The following ANO2 variants were observed in gnomAD, a reference collection of about 807,000 sequenced individuals.
ANO2 encodes the protein anoctamin-2.
ANO2 carries 101 observed loss-of-function variants against 124.2 expected under a neutral mutation model. The ratio of observed to expected loss-of-function variants is 0.81; its 90% CI spans 0.69 to 0.96. The LOEUF (loss-of-function observed/expected upper bound fraction) is 0.96. Ranked by LOEUF, ANO2 falls within the 40% of genes least tolerant of loss-of-function variation. The pLI, the probability that ANO2 is intolerant of heterozygous loss-of-function variation, is 0.00. For synonymous variants in ANO2, 486 were observed against 482.5 expected (o/e 1.01, Z -0.09); for missense variants, 1,293 against 1,274.5 (o/e 1.01, Z -0.22).
chr12:5,828,260 CG>C (rs1954048356), intron 6 of ANO2, among the ~76,000 whole-genome samples: 1 of 151,986 alleles, frequency 6.6e-6, no homozygotes, highest in South Asian at 2.1e-4. Context: ...CGGGGAGGGG[CG>C]GGCCCCCTCC....
chr12:5,884,864 A>G (rs1938773126), intron 3 of ANO2, among the ~76,000 whole-genome samples: 1 of 152,118 alleles, frequency 6.6e-6, no homozygotes, highest in South Asian at 2.1e-4. Context: ...CAGGACTTCT[A>G]ATGGAGAGCA....
At chr12:5,626,956 C>T (rs944520517) in intron 16 of ANO2, among the ~76,000 whole-genome samples, 5 of 152,200 alleles carry the variant, frequency 3.3e-5, no homozygotes, top group African/African-American at 9.6e-5. Context: ...AGATATTGGA[C>T]TTCTTGCTAA....
intron 15 of ANO2, among the ~76,000 whole-genome samples, chr12:5,645,998 A>G (rs1946619334): frequency 6.6e-6 from 1 of 152,210 alleles, no homozygotes. Flanking sequence ...GCTTAGATCC[A>G]TAACAAGTTT....
intron 7 of ANO2, among the ~76,000 whole-genome samples, chr12:5,810,971 A>C (rs2137180451): frequency 6.6e-6 from 1 of 152,364 alleles, no homozygotes; most frequent in South Asian, 2.1e-4. Flanking sequence ...CCTGAGACCT[A>C]GCATTAAGCT....
At chr12:5,765,865 A>G (rs1291386719) in intron 10 of ANO2, among the ~76,000 whole-genome samples, 1 of 152,244 alleles carries the variant, frequency 6.6e-6, no homozygotes, top group African/African-American at 2.4e-5. Flanking sequence ...ACATGTTGCT[A>G]AGAAATAGAT....
Position 5,562,983 on chromosome 12 carries a change from G to T in ANO2, c.*316C>A, listed in dbSNP as rs558444746. 3.9e-5 allele frequency: 14 copies of T among 359,442 alleles called. No homozygotes were observed. The South Asian group carries it at 5.3e-4, about 14-fold the overall frequency. 22.3% of individuals were successfully genotyped at this position (359,442 alleles called of 1,614,324 possible). A position where few individuals can be genotyped will look rare whatever the true frequency, so the allele number is the denominator to read the frequency against. On this transcript the variant is annotated 3_prime_UTR_variant, in exon 25 of 25. Coordinates refer to ENST00000682330, the MANE Select transcript of ANO2 (RefSeq NM_001364791.2). Reference sequence around the variant, plus strand: ...GTGAAGTACAAGAGGGTGCCCCAGGGTACATGGGAATGCTCGCGGTGCCTG... The same window carrying T: ...GTGAAGTACAAGAGGGTGCCCCAGGTTACATGGGAATGCTCGCGGTGCCTG...
intron 3 of ANO2, among the ~76,000 whole-genome samples, chr12:5,876,604 G>A (rs986433765): frequency 1.3e-5 from 2 of 152,168 alleles, no homozygotes; most frequent in African/African-American, 4.8e-5. Context: ...TGATAGACTG[G>A]ATAAAGAAAT....
Position 5,862,110 on chromosome 12 carries a change from G to T in ANO2, c.535-7969C>A, listed in dbSNP as rs57984070. 0.017 allele frequency among the ~76,000 whole-genome samples: 2,634 copies of T among 152,222 alleles called. 69 individuals carry two copies. The highest frequency in any genetic ancestry group is 0.056 in the African/African-American group (2,331 of 41,524). The stretch of plus-strand genomic sequence containing the variant: ...GTCCTCCTGAGACACAGGGATTTGG[G>T]ATTAAGCAAAGGGAAGAAGTTCCTG... On this transcript the variant is annotated intron_variant, in intron 3 of 24. Transcript: ENST00000682330. The surrounding 1 kb of genome is among the most constrained non-coding windows in gnomAD (Gnocchi z 4.0).
upstream of ANO2, among the ~76,000 whole-genome samples, chr12:5,945,756 G>A (rs573813146): frequency 5.3e-5 from 8 of 152,370 alleles, no homozygotes; most frequent in South Asian, 1.4e-3. Flanking sequence ...GTGGAGACCA[G>A]CTGTCCTCAC....
chr12:5,613,673 G>A (rs1944655026), intron 17 of ANO2, among the ~76,000 whole-genome samples: 1 of 152,102 alleles, frequency 6.6e-6, no homozygotes, highest in African/African-American at 2.4e-5. Flanking sequence ...CTTTGCTGAA[G>A]TCTTCTTGTT....
intron 20 of ANO2, among the ~76,000 whole-genome samples, 174 bp downstream of exon 20, chr12:5,599,310 C>T (rs1240149305): frequency 6.6e-6 from 1 of 152,148 alleles, no homozygotes; most frequent in East Asian, 1.9e-4. Flanking sequence ...TCTTTCTGCC[C>T]CATTCTTCTC....
intron 24 of ANO2, 143 bp downstream of exon 24, chr12:5,565,415 C>A: frequency 1.4e-6 from 1 of 732,182 alleles, no homozygotes; most frequent in Non-Finnish European, 2.3e-6. Flanking sequence ...GGAAAGGAGC[C>A]CTCACTTCTG....
At chr12:5,640,670 A>G (rs1027873869) in intron 15 of ANO2, among the ~76,000 whole-genome samples, 7 of 152,216 alleles carry the variant, frequency 4.6e-5, no homozygotes, top group African/African-American at 9.6e-5. Context: ...CAAAACCACA[A>G]TGAGATACCA....
intron 3 of ANO2, among the ~76,000 whole-genome samples, chr12:5,873,592 G>A (rs903104638): frequency 5.9e-5 from 9 of 152,342 alleles, no homozygotes; most frequent in South Asian, 2.1e-4. Flanking sequence ...ATGTCCTGGC[G>A]ATTAAGGATG....
At chr12:5,685,128 C>T (rs1026792450) in intron 14 of ANO2, among the ~76,000 whole-genome samples, 48 of 152,250 alleles carry the variant, frequency 3.2e-4, no homozygotes, top group African/African-American at 8.4e-4. Context: ...GTATGAGGCA[C>T]GAGTCCTGTC....
chr12:5,845,396 T>A (rs1565717535), intron 4 of ANO2, among the ~76,000 whole-genome samples: 1 of 151,170 alleles, frequency 6.6e-6, no homozygotes, highest in Non-Finnish European at 1.5e-5. Flanking sequence ...TGAAACTCCA[T>A]CTCTACTAAA....
intron 10 of ANO2, among the ~76,000 whole-genome samples, chr12:5,775,189 T>G (rs1005823146): frequency 6.6e-6 from 1 of 152,126 alleles, no homozygotes; most frequent in African/African-American, 2.4e-5. Flanking sequence ...AATTCCAAAC[T>G]TTTTCTTTCC....
At chr12:5,856,719 G>C (rs1026891607) in intron 3 of ANO2, 4 of 152,168 alleles carry the variant, frequency 2.6e-5, no homozygotes, top group Middle Eastern at 3.2e-3. Context: ...GCTGGCTCTG[G>C]CTCTAGAGAG....
At chr12:5,853,979 C>T (rs566405052) in intron 4 of ANO2, 64 bp downstream of exon 4, 36 of 1,384,990 alleles carry the variant, frequency 2.6e-5, no homozygotes, top group Non-Finnish European at 3.4e-5. Context: ...TGGCCCTATT[C>T]CCAAATTATT....
Sources: allele counts gnomAD v4.1 joint callset (sites outside exome capture counted in the v4.1 genomes callset), GRCh38; gene constraint gnomAD v4.1.1; non-coding constraint Gnocchi (gnomAD v3.1); transcripts MANE v1.5; gene names NCBI Gene and HGNC (gene_info 2026-07-23, HGNC 2026-07-21).